FRRS1: variants seen among roughly 807,000 people sequenced by gnomAD.
FRRS1 encodes the protein ferric reductase 1.
In FRRS1, 51 loss-of-function variants were observed where a neutral mutation model predicts 70.7. That is an observed-to-expected ratio of 0.72 (90% CI 0.58 to 0.91). The LOEUF is 0.91. Among genes scored for constraint, FRRS1 ranks in the 40% least tolerant of loss-of-function variants. FRRS1 has a pLI of 0.00. For synonymous variants in FRRS1, 225 were observed against 238.7 expected (o/e 0.94, Z 0.53); for missense variants, 672 against 726.0 (o/e 0.93, Z 0.86).
intron 4 of FRRS1, among the ~76,000 whole-genome samples, chr1:99,744,037 T>G (rs1357555151): frequency 1.5e-5 from 2 of 135,888 alleles, no homozygotes; most frequent in Admixed American, 7.5e-5. Flanking sequence ...CATATCAAGA[T>G]AAATGAATCC....
At chr1:99,719,336 G>A (rs1167195244) in intron 10 of FRRS1, among the ~76,000 whole-genome samples, 198 bp downstream of exon 10, 1 of 149,902 alleles carries the variant, frequency 6.7e-6, no homozygotes, top group East Asian at 2.0e-4. Flanking sequence ...GTGAACCCGG[G>A]AGGTGGAGCT....
Position 99,708,838 on chromosome 1 carries a change from T to G in FRRS1, c.*190A>C. 8.6e-7 allele frequency: 1 copy of G among 1,167,588 alleles called. No homozygotes were observed. Among genetic ancestry groups the G allele is most frequent in the Non-Finnish European group, 1.3e-6 (1 of 787,200 alleles). The allele number at this position is 1,167,588 out of a possible 1,614,324, so 72.3% of individuals were successfully genotyped here. A position where few individuals can be genotyped will look rare whatever the true frequency, so the allele number is the denominator to read the frequency against. ...AATTACATATAGGGCATGACATTAA[T>G]TTATAGTCTATATGACCCTCTTGAA... On this transcript the variant is annotated 3_prime_UTR_variant, in exon 17 of 17. Transcript: ENST00000646001.
At chr1:99,755,587 C>CTA (rs1656793125) in intron 1 of FRRS1, among the ~76,000 whole-genome samples, 1 of 152,142 alleles carries the variant, frequency 6.6e-6, no homozygotes, top group Non-Finnish European at 1.5e-5. Flanking sequence ...TTATTTGGCA[C>CTA]TAACTTTCTG....
intron 4 of FRRS1, among the ~76,000 whole-genome samples, chr1:99,745,060 G>A (rs919142448): frequency 1.3e-5 from 2 of 150,596 alleles, no homozygotes; most frequent in East Asian, 2.0e-4. Flanking sequence ...TTTTAATGCA[G>A]ACAGAAGTAC....
At chr1:99,760,386 C>G (rs1657058364) in intron 1 of FRRS1, among the ~76,000 whole-genome samples, 1 of 152,134 alleles carries the variant, frequency 6.6e-6, no homozygotes, top group Non-Finnish European at 1.5e-5. Flanking sequence ...TAGAAAACTT[C>G]TATGCCAAAA....
At chr1:99,757,976 A>G (rs2814043) in intron 1 of FRRS1, among the ~76,000 whole-genome samples, 151,298 of 151,390 alleles carry the variant, frequency 1, 75,603 homozygotes, top group Middle Eastern at 1. Context: ...CAGAATCACA[A>G]AAACAGTCTA....
At chr1:99,709,635 T>C (rs772540600) in intron 15 of FRRS1, among the ~76,000 whole-genome samples, 1 of 152,190 alleles carries the variant, frequency 6.6e-6, no homozygotes, top group Admixed American at 6.5e-5. Flanking sequence ...AATTAACATA[T>C]GATAACTATC....
intron 12 of FRRS1, 58 bp from the exon 13 acceptor site, chr1:99,712,573 A>C: frequency 1.1e-6 from 1 of 944,670 alleles, no homozygotes; most frequent in Non-Finnish European, 1.6e-6. Flanking sequence ...TTAAATCCTC[A>C]AGTTAAAAAT....
chr1:99,722,335 C>T (rs1654874741), intron 9 of FRRS1, among the ~76,000 whole-genome samples: 1 of 152,132 alleles, frequency 6.6e-6, no homozygotes. Context: ...TATTTAAACT[C>T]TTCTAGAGCT....
At chr1:99,723,210 AGTT>A (rs757027734) in intron 9 of FRRS1, among the ~76,000 whole-genome samples, 1 of 152,222 alleles carries the variant, frequency 6.6e-6, no homozygotes, top group Non-Finnish European at 1.5e-5. Context: ...ACTATTGCAC[AGTT>A]ATTATTCTCT....
chr1:99,758,998 T>C (rs1366045138), intron 1 of FRRS1, among the ~76,000 whole-genome samples: 3 of 152,242 alleles, frequency 2.0e-5, no homozygotes, highest in Non-Finnish European at 4.4e-5. Context: ...AGACCAGTTC[T>C]CTACTCTCGA....
intron 1 of FRRS1, among the ~76,000 whole-genome samples, chr1:99,759,548 A>C (rs890357365): frequency 6.6e-6 from 1 of 152,208 alleles, no homozygotes; most frequent in African/African-American, 2.4e-5. Context: ...TGAGTAGCAG[A>C]GTTAGGTAGG....
At chr1:99,720,294 G>C (rs188220453) in intron 9 of FRRS1, among the ~76,000 whole-genome samples, 18 of 150,756 alleles carry the variant, frequency 1.2e-4, no homozygotes, top group African/African-American at 2.0e-4. Flanking sequence ...GTGTGGATCT[G>C]TGTGTGTTCT....
chr1:99,723,521 AAAG>A (rs1654938395), intron 9 of FRRS1, among the ~76,000 whole-genome samples: 3 of 152,182 alleles, frequency 2.0e-5, no homozygotes, highest in Non-Finnish European at 1.5e-5. Flanking sequence ...ATCTCAAAAA[AAAG>A]AAGAATTTGA....
At chr1:99,752,914 G>A (rs1454194306) in intron 1 of FRRS1, among the ~76,000 whole-genome samples, 1 of 151,946 alleles carries the variant, frequency 6.6e-6, no homozygotes, top group Non-Finnish European at 1.5e-5. Context: ...AGGACAAGGG[G>A]GCTGGTCTCC....
At chr1:99,760,674 G>A (rs1657071748) in intron 1 of FRRS1, among the ~76,000 whole-genome samples, 1 of 151,784 alleles carries the variant, frequency 6.6e-6, no homozygotes, top group Admixed American at 6.6e-5. Flanking sequence ...TTTTGAGATG[G>A]AGTCTCGCTC....
At chr1:99,722,718 A>T (rs998623569) in intron 9 of FRRS1, among the ~76,000 whole-genome samples, 17 of 152,246 alleles carry the variant, frequency 1.1e-4, no homozygotes, top group Admixed American at 3.9e-4. Flanking sequence ...GATATCCACA[A>T]GAAAAATACA....
intron 7 of FRRS1, among the ~76,000 whole-genome samples, chr1:99,731,729 A>C (rs1164009435): frequency 6.6e-6 from 1 of 152,238 alleles, no homozygotes; most frequent in Non-Finnish European, 1.5e-5. Context: ...TTTATACTAC[A>C]ACAGAGTTTA....
chr1:99,737,900 G>A (rs1338542257), intron 7 of FRRS1, among the ~76,000 whole-genome samples, 186 bp downstream of exon 7: 4 of 152,122 alleles, frequency 2.6e-5, no homozygotes, highest in African/African-American at 7.2e-5. Flanking sequence ...CCGCCACGAC[G>A]CTAGGCTAAT....
Sources: allele counts gnomAD v4.1 joint callset (sites outside exome capture counted in the v4.1 genomes callset), GRCh38; gene constraint gnomAD v4.1.1; transcripts MANE v1.5; gene names NCBI Gene and HGNC (gene_info 2026-07-23, HGNC 2026-07-21).